STXBP5: variants seen among roughly 807,000 people sequenced by gnomAD.
The protein encoded by STXBP5 is syntaxin binding protein 5.
In STXBP5, 50 loss-of-function variants were observed where a neutral mutation model predicts 152.4. The observed-to-expected ratio is 0.33, with a 90% CI of 0.26 to 0.42. The LOEUF is 0.42. Ranked by LOEUF, STXBP5 falls within the 10% of genes least tolerant of loss-of-function variation. The probability of loss-of-function intolerance (pLI) is 1.00; values close to 1 mark genes in which losing one functional copy is unlikely to be tolerated. For synonymous variants in STXBP5, 492 were observed against 494.7 expected (o/e 0.99, Z 0.07); for missense variants, 1,167 against 1,388.6 (o/e 0.84, Z 2.54).
At chr6:147,323,631 ATCT>A (rs1480356568) in intron 16 of STXBP5, among the ~76,000 whole-genome samples, 4 of 152,104 alleles carry the variant, frequency 2.6e-5, no homozygotes, top group Non-Finnish European at 5.9e-5. Flanking sequence ...ACCTTAAGTG[ATCT>A]GCCCACCTCG....
intron 2 of STXBP5, among the ~76,000 whole-genome samples, chr6:147,213,857 C>T (rs1777023653): frequency 6.6e-6 from 1 of 152,036 alleles, no homozygotes; most frequent in South Asian, 2.1e-4. Context: ...AAGGGCATTT[C>T]ACTATTAATA....
intron 4 of STXBP5, among the ~76,000 whole-genome samples, chr6:147,242,793 C>G (rs1265458295): frequency 6.6e-6 from 1 of 152,122 alleles, no homozygotes; most frequent in Admixed American, 6.6e-5. Flanking sequence ...TTGAACTCAC[C>G]TGCTGATGGG....
chr6:147,345,299 G>A (rs1181778283), intron 21 of STXBP5, among the ~76,000 whole-genome samples: 2 of 152,198 alleles, frequency 1.3e-5, no homozygotes, highest in East Asian at 3.9e-4. Flanking sequence ...CTGAACTCCT[G>A]GGATGTTTTA....
At chr6:147,226,467 A>G (rs997818224) in intron 2 of STXBP5, among the ~76,000 whole-genome samples, 1 of 152,164 alleles carries the variant, frequency 6.6e-6, no homozygotes, top group Admixed American at 6.5e-5. Context: ...AAGGCCTTCC[A>G]CACTCTAGGA....
intron 2 of STXBP5, among the ~76,000 whole-genome samples, chr6:147,233,409 A>G (rs1778103645): frequency 6.6e-6 from 1 of 151,798 alleles, no homozygotes; most frequent in Non-Finnish European, 1.5e-5. Context: ...ATAGATTCAT[A>G]CTTAAAGAAA....
intron 21 of STXBP5, among the ~76,000 whole-genome samples, chr6:147,347,759 T>TA (rs1344812390): frequency 4.6e-5 from 7 of 151,994 alleles, no homozygotes; most frequent in Non-Finnish European, 1.0e-4. Flanking sequence ...CATCTTGTAA[T>TA]AAAAAAAAGT....
At chr6:147,327,674 C>G (rs1467671933) in intron 18 of STXBP5, among the ~76,000 whole-genome samples, 3 of 152,168 alleles carry the variant, frequency 2.0e-5, no homozygotes, top group Non-Finnish European at 2.9e-5. Context: ...AACACCTGGA[C>G]TCAAGTGATC....
At chr6:147,213,229 G>A (rs1383456145) in intron 2 of STXBP5, among the ~76,000 whole-genome samples, 4 of 151,744 alleles carry the variant, frequency 2.6e-5, no homozygotes, top group Non-Finnish European at 5.9e-5. Flanking sequence ...TTACCTTTAT[G>A]CACTGGAAGA....
Position 147,339,346 on chromosome 6 carries a change from A to C in STXBP5, c.2216A>C (p.Lys739Thr), listed in dbSNP as rs1783985202. 2.0e-6 allele frequency: 3 copies of C among 1,502,598 alleles called. No individual in the cohort carries two copies. The Admixed American group carries it at 8.3e-5, about 41-fold the overall frequency. 93.1% of individuals were successfully genotyped at this position (1,502,598 alleles called of 1,614,324 possible). ...AAAATATTGTTTTCAGTGAAGACCA[A>C]AAGCAGAAAGTTTTCCAAGATGGTA... ...MNNFIEKVKT[K>T]SRKFSKMVAN... is the part of the protein sequence containing the mutation. The change falls in exon 21 of 28, where the codon AAA becomes ACA. Residue 739 changes from lysine to threonine, a missense_variant. By Grantham distance (78) the Lys-to-Thr change is moderately conservative. Transcript: ENST00000321680.
intron 9 of STXBP5, among the ~76,000 whole-genome samples, chr6:147,296,117 G>A (rs1232383335): frequency 6.6e-6 from 1 of 152,066 alleles, no homozygotes; most frequent in Non-Finnish European, 1.5e-5. Context: ...GGCTGCTGCA[G>A]TACTACATGT....
At chr6:147,271,432 T>C (rs1780164045) in intron 7 of STXBP5, among the ~76,000 whole-genome samples, 1 of 152,126 alleles carries the variant, frequency 6.6e-6, no homozygotes, top group South Asian at 2.1e-4. Context: ...ATCTCAATAT[T>C]AATTTTAAAA....
intron 2 of STXBP5, among the ~76,000 whole-genome samples, chr6:147,231,841 C>T (rs1170131397): frequency 1.3e-5 from 2 of 151,692 alleles, no homozygotes; most frequent in African/African-American, 2.4e-5. Flanking sequence ...AAAATGTTAA[C>T]TCAGAAATGT....
In STXBP5 at chr6:147,260,636, T is replaced by C. The variant is rs1779597759; in HGVS notation, c.453T>C (p.Pro151=). 1 of 1,613,776 alleles carries C rather than the reference T, an allele frequency of 6.2e-7. No homozygotes were observed. The highest frequency in any genetic ancestry group is 1.3e-5 in the African/African-American group (1 of 75,034). ...GCAGGGTTACATTTTGCCATCTGCC[T>C]TTCCAGAGTAAGTGGCTCTATGTGG... ...CRERVTFCHL[P]FQSKWLYVGT... The change falls in exon 5 of 28, where the codon CCT becomes CCC. Residue 151 remains proline (P), a synonymous_variant. Transcript: ENST00000321680.
At chr6:147,237,290 A>G (rs1011651892) in intron 3 of STXBP5, among the ~76,000 whole-genome samples, 1 of 152,114 alleles carries the variant, frequency 6.6e-6, no homozygotes, top group South Asian at 2.1e-4. Flanking sequence ...TAAATTATAA[A>G]TACATTATAA....
At chr6:147,309,369 G>A (rs944867931) in intron 9 of STXBP5, among the ~76,000 whole-genome samples, 2 of 152,054 alleles carry the variant, frequency 1.3e-5, no homozygotes, top group Admixed American at 6.6e-5. Context: ...AGTCAAATGC[G>A]TGGAAATATA....
intron 18 of STXBP5, among the ~76,000 whole-genome samples, chr6:147,329,869 C>T (rs889712054): frequency 4.6e-5 from 7 of 151,870 alleles, no homozygotes; most frequent in East Asian, 1.9e-4. Flanking sequence ...CCTCATGATC[C>T]GCCCGCCTCG....
chr6:147,296,252 T>C (rs530209091), intron 9 of STXBP5, among the ~76,000 whole-genome samples: 1 of 152,150 alleles, frequency 6.6e-6, no homozygotes, highest in Admixed American at 6.5e-5. Flanking sequence ...AACCTGCCTT[T>C]ACTAGGTTCA....
rs77762134 is a variant in STXBP5, at chr6:147,318,698, A to T, written c.1802+2291A>T. Among the ~76,000 whole-genome samples, 791 of 152,300 alleles carry T rather than the reference A, an allele frequency of 5.2e-3. 4 individuals carry two copies. The highest frequency in any genetic ancestry group is 0.017 in the African/African-American group (688 of 41,562). On this transcript the variant is annotated intron_variant, in intron 16 of 27. Transcript: ENST00000321680. ...AGTCTCATTAGCCAATCCATTAATG[A>T]TACATGTGAGGAGAGTCCTTTTTGT...
At chr6:147,212,899 T>C (rs1433825707) in intron 2 of STXBP5, among the ~76,000 whole-genome samples, 1 of 152,170 alleles carries the variant, frequency 6.6e-6, no homozygotes, top group Non-Finnish European at 1.5e-5. Context: ...CATTATGAAA[T>C]AGGAAACCAG....
Sources: gnomAD v4.1 joint callset for allele counts (sites outside exome capture counted in the v4.1 genomes callset) on GRCh38, gnomAD v4.1.1 for gene constraint, MANE v1.5 for transcripts, NCBI Gene and HGNC (gene_info 2026-07-23, HGNC 2026-07-21) for gene names.